The following FNBP1L variants were observed in gnomAD, a reference collection of about 807,000 sequenced individuals.
FNBP1L encodes formin-binding protein 1-like.
A neutral mutation model predicts 91.2 loss-of-function variants in FNBP1L; 36 were observed. That is an observed-to-expected ratio of 0.39 (90% CI 0.30 to 0.52). The LOEUF (loss-of-function observed/expected upper bound fraction) is 0.52, where lower values mean the gene tolerates loss of function less well. Ranked by LOEUF, FNBP1L falls within the 20% of genes least tolerant of loss-of-function variation. The pLI is 0.66. For synonymous variants in FNBP1L, 242 were observed against 237.0 expected (o/e 1.02, Z -0.19); for missense variants, 571 against 732.1 (o/e 0.78, Z 2.54).
intron 1 of FNBP1L, among the ~76,000 whole-genome samples, chr1:93,498,912 C>A (rs1012093883): frequency 6.6e-6 from 1 of 152,068 alleles, no homozygotes; most frequent in African/African-American, 2.4e-5. Flanking sequence ...TCAAACATCT[C>A]GGAAATGGCA....
At chr1:93,538,691 T>C (rs1226873032) in intron 10 of FNBP1L, among the ~76,000 whole-genome samples, 1 of 152,092 alleles carries the variant, frequency 6.6e-6, no homozygotes, top group Non-Finnish European at 1.5e-5. Flanking sequence ...GTAAGCCTGC[T>C]TATATGTTTT....
intron 2 of FNBP1L, among the ~76,000 whole-genome samples, chr1:93,518,678 C>T (rs576349720): frequency 7.9e-5 from 12 of 152,314 alleles, no homozygotes; most frequent in African/African-American, 2.4e-4. Flanking sequence ...GCCTATGCAA[C>T]TGCCACTCCT....
intron 2 of FNBP1L, among the ~76,000 whole-genome samples, chr1:93,501,669 C>T (rs1211408554): frequency 6.6e-6 from 1 of 152,058 alleles, no homozygotes; most frequent in Non-Finnish European, 1.5e-5. Context: ...TGGGGTCAAA[C>T]AAACCATATC....
chr1:93,515,369 G>A (rs1403443514), intron 2 of FNBP1L, among the ~76,000 whole-genome samples: 1 of 151,368 alleles, frequency 6.6e-6, no homozygotes, highest in Non-Finnish European at 1.5e-5. Context: ...ATTCCTCAGG[G>A]ATCTAGAACT....
intron 1 of FNBP1L, among the ~76,000 whole-genome samples, chr1:93,479,370 G>T (rs924518941): frequency 2.6e-5 from 4 of 152,112 alleles, no homozygotes; most frequent in African/African-American, 9.7e-5. Flanking sequence ...TACTGATGAG[G>T]GTGTGTGTTC....
chr1:93,514,025 T>C (rs867639573), intron 2 of FNBP1L, among the ~76,000 whole-genome samples: 36 of 152,144 alleles, frequency 2.4e-4, no homozygotes, highest in South Asian at 1.0e-3. Context: ...AAAACCCCAC[T>C]GTCTCAGCCC....
chr1:93,479,447 T>G (rs1669614946), intron 1 of FNBP1L, among the ~76,000 whole-genome samples: 1 of 152,206 alleles, frequency 6.6e-6, no homozygotes, highest in Admixed American at 6.5e-5. Flanking sequence ...AGCAGAGAAC[T>G]GGTCTGACCT....
chr1:93,526,407 G>A (rs1486403175), intron 5 of FNBP1L, among the ~76,000 whole-genome samples: 1 of 152,144 alleles, frequency 6.6e-6, no homozygotes, highest in East Asian at 1.9e-4. Flanking sequence ...TCAGCAGTAG[G>A]CTTAAAGAGC....
rs1280619556 is a variant in FNBP1L, at chr1:93,551,075, A to G, written c.1780A>G (p.Ile594Val). The G allele has an allele frequency of 1.2e-6, 2 of 1,612,016 alleles. No individual in the cohort carries two copies. The highest frequency in any genetic ancestry group is 1.7e-6 in the Non-Finnish European group (2 of 1,178,964). Residue 594 changes from isoleucine (I) to valine (V), a missense_variant, in exon 16 of 17, where the codon ATA (isoleucine) becomes GTA (valine). This residue lies in a region of FNBP1L where 189 missense variants were observed against 219.7 expected (regional missense o/e 0.86). Transcript: ENST00000271234. ...AGAAGGCTACGTTCCCACGTCATACATAGATGTAACTCTAGAGAAAAACAG... is the reference window on the plus strand; with the variant it reads ...AGAAGGCTACGTTCCCACGTCATACGTAGATGTAACTCTAGAGAAAAACAG... ...GEEGYVPTSYIDVTLEKNSKG... is the reference protein window; with the variant it reads ...GEEGYVPTSYVDVTLEKNSKG...
intron 1 of FNBP1L, among the ~76,000 whole-genome samples, chr1:93,468,886 C>A (rs1669187508): frequency 6.6e-6 from 1 of 152,130 alleles, no homozygotes; most frequent in African/African-American, 2.4e-5. Flanking sequence ...GTGTGAGAGT[C>A]CTGATTTCTG....
chr1:93,551,289 A>G, intron 16 of FNBP1L, 184 bp downstream of exon 16: 2 of 1,263,324 alleles, frequency 1.6e-6, no homozygotes, highest in South Asian at 6.8e-5. Flanking sequence ...TTACCACAAG[A>G]AACATTTTGT....
chr1:93,488,151 C>T (rs537098961), intron 1 of FNBP1L, among the ~76,000 whole-genome samples: 2 of 152,228 alleles, frequency 1.3e-5, no homozygotes, highest in East Asian at 3.9e-4. Flanking sequence ...TATCCAAAAT[C>T]TTAACCACTT....
Position 93,486,889 on chromosome 1 carries a change from C to A in FNBP1L, c.25-12579C>A, listed in dbSNP as rs574283373. Among the ~76,000 whole-genome samples the A allele has an allele frequency of 2.1e-4, 32 of 152,254 alleles. 1 individual carries two copies. The highest frequency in any genetic ancestry group is 7.2e-4 in the African/African-American group (30 of 41,564). On this transcript the variant is annotated intron_variant, in intron 1 of 16. Transcript: ENST00000271234. ...AGATCATTTCCATTAGCAAGAAAATCATATTATTTCTTTTATCTTAAAAAC... is the reference window on the plus strand; with the variant it reads ...AGATCATTTCCATTAGCAAGAAAATAATATTATTTCTTTTATCTTAAAAAC...
In FNBP1L at chr1:93,483,029, AAAAAC is replaced by A. The variant is rs1338828029; in HGVS notation, c.25-16434_25-16430del. On this transcript the variant is annotated intron_variant, in intron 1 of 16. Transcript: ENST00000271234. ...CAAGACTCCGTCTAAAAAAAACAAA[AAAAAC>A]AAAAAACAAAAAGTAGCCAAGCATG... Among the ~76,000 whole-genome samples the A allele has an allele frequency of 2.3e-3, 342 of 149,216 alleles. 2 individuals are homozygous for A. The highest frequency in any genetic ancestry group is 0.012 in the South Asian group (56 of 4,664).
intron 1 of FNBP1L, among the ~76,000 whole-genome samples, chr1:93,473,009 G>C (rs191930307): frequency 3.7e-4 from 56 of 151,856 alleles, no homozygotes; most frequent in African/African-American, 1.3e-3. Context: ...TTTTGCACTT[G>C]CTGCTAGAAA....
chr1:93,488,140 A>G lies in FNBP1L; in HGVS notation c.25-11328A>G, dbSNP rs569507494. 3.3e-5 allele frequency among the ~76,000 whole-genome samples: 5 copies of G among 152,326 alleles called. No individual in the cohort carries two copies. The South Asian group carries it at 1.0e-3, about 32-fold the overall frequency. On this transcript the variant is annotated intron_variant, in intron 1 of 16. Transcript: ENST00000271234. ...ATTTTGTTAACATTACCTTCGGAAT[A>G]TATCCAAAATCTTAACCACTTTTCA...
chr1:93,514,827 C>G (rs1671016849), intron 2 of FNBP1L, among the ~76,000 whole-genome samples: 2 of 151,900 alleles, frequency 1.3e-5, no homozygotes, highest in Admixed American at 1.3e-4. Context: ...AGAAGAAAAC[C>G]TAGGCATTAC....
In FNBP1L at chr1:93,549,365, A is replaced by T. The variant is rs751167351; in HGVS notation, c.1590A>T (p.Glu530Asp). The change falls in exon 15 of 17, where the codon GAA becomes GAT. Residue 530 changes from glutamate (E) to aspartate (D), a missense_variant. Around this residue, in one of 5 missense-constraint regions of FNBP1L, gnomAD observed 189 missense variants for 219.7 expected, o/e 0.86. Transcript: ENST00000271234. ...QHGHHNEFDD[E>D]FEDDDPLPAI... The stretch of plus-strand genomic sequence containing the variant: ...GTCACCACAATGAGTTTGATGATGA[A>T]TTTGAGGATGATGATCCCTTGCCTG... The T allele has an allele frequency of 6.2e-7, 1 of 1,612,624 alleles. No homozygotes were observed. Among genetic ancestry groups the T allele is most frequent in the Non-Finnish European group, 8.5e-7 (1 of 1,179,416 alleles).
At chr1:93,475,866 G>GTTGTAAAATATAA (rs1249106682) in intron 1 of FNBP1L, among the ~76,000 whole-genome samples, 1 of 152,140 alleles carries the variant, frequency 6.6e-6, no homozygotes, top group Non-Finnish European at 1.5e-5. Context: ...ACTTTACAGA[G>GTTGTAAAATATAA]TTGTGAAATA....
Sources: gnomAD v4.1 joint callset for allele counts (sites outside exome capture counted in the v4.1 genomes callset) on GRCh38, gnomAD v4.1.1 for gene constraint, gnomAD v4.1.1 regional missense constraint, MANE v1.5 for transcripts, NCBI Gene and HGNC (gene_info 2026-07-23, HGNC 2026-07-21) for gene names.